The following ATP1B3 variants were observed in gnomAD, a reference collection of about 807,000 sequenced individuals.
The protein encoded by ATP1B3 is sodium/potassium-transporting ATPase subunit beta-3.
In ATP1B3, 10 loss-of-function variants were observed where a neutral mutation model predicts 30.2. The observed-to-expected ratio is 0.33, with a 90% CI of 0.20 to 0.56. The LOEUF is 0.56. ATP1B3 is among the 20% of genes least tolerant of loss of function. The pLI is 0.90. For missense variants in ATP1B3, 238 were observed against 336.7 expected, an observed-to-expected ratio of 0.71 and a Z score of 2.29; for synonymous variants, 113 against 117.0, an observed-to-expected ratio of 0.97 and a Z score of 0.22.
intron 1 of ATP1B3, among the ~76,000 whole-genome samples, chr3:141,892,761 G>C (rs1480604877): frequency 1.3e-5 from 2 of 152,096 alleles, no homozygotes; most frequent in East Asian, 3.9e-4. Flanking sequence ...GCCTGGGGAA[G>C]GGTGTGTAGA....
At chr3:141,921,822 C>T (rs2107780166) in intron 5 of ATP1B3, 155 bp from the exon 6 acceptor site, 1 of 489,970 alleles carries the variant, frequency 2.0e-6, no homozygotes, top group Non-Finnish European at 3.6e-6. Flanking sequence ...GATGAGCAAG[C>T]TTCTTCTCAG....
chr3:141,887,913 G>A (rs1414534392), intron 1 of ATP1B3, among the ~76,000 whole-genome samples: 1 of 152,194 alleles, frequency 6.6e-6, no homozygotes, highest in Non-Finnish European at 1.5e-5. Flanking sequence ...TGGACAGGGA[G>A]AATGACTAGG....
Position 141,877,250 on chromosome 3 carries a change from G to C in ATP1B3, c.109+340G>C, listed in dbSNP as rs1008988463. ...GGACCCCTGCCCGAAGCCGGGCCCC[G>C]AGAGTGCAGGAGCCGAGCCCCCGGG... is the stretch of plus-strand genomic sequence containing the variant. On this transcript the variant is annotated intron_variant, in intron 1 of 6. Coordinates refer to ENST00000286371, the MANE Select transcript of ATP1B3 (RefSeq NM_001679.4). Among the ~76,000 whole-genome samples the C allele has an allele frequency of 5.0e-5, 5 of 100,712 alleles. No individual in the cohort carries two copies. In the South Asian group the frequency reaches 1.0e-3, roughly 21 times the overall value. The allele number at this position is 100,712 out of a possible 152,430, so 66.1% of individuals were successfully genotyped here.
chr3:141,912,866 T>TA (rs1411974202), intron 3 of ATP1B3, among the ~76,000 whole-genome samples: 3 of 152,194 alleles, frequency 2.0e-5, no homozygotes, highest in Non-Finnish European at 2.9e-5. Context: ...CCATCTCTGC[T>TA]AAAAACCCCC....
intron 1 of ATP1B3, among the ~76,000 whole-genome samples, chr3:141,881,745 A>C (rs1405979455): frequency 6.6e-6 from 1 of 152,254 alleles, no homozygotes; most frequent in Non-Finnish European, 1.5e-5. Flanking sequence ...ACACAGGCAT[A>C]AATGGAAGCT....
At chr3:141,921,587 A>G (rs572226735) in intron 5 of ATP1B3, 1 of 155,826 alleles carries the variant, frequency 6.4e-6, no homozygotes, top group South Asian at 2.0e-4. Flanking sequence ...GAAGCACAGC[A>G]TTTTATTCAT....
intron 5 of ATP1B3, 143 bp downstream of exon 5, chr3:141,916,163 C>T (rs1441724114): frequency 7.6e-6 from 5 of 659,190 alleles, no homozygotes; most frequent in African/African-American, 3.6e-5. Flanking sequence ...TTCCACCAAC[C>T]GTAGTCTTTC....
intron 1 of ATP1B3, among the ~76,000 whole-genome samples, chr3:141,898,539 A>T (rs1456180261): frequency 2.0e-5 from 3 of 152,224 alleles, no homozygotes; most frequent in Non-Finnish European, 4.4e-5. Context: ...ATGCAAATTA[A>T]ACCCACAAAG....
chr3:141,920,014 A>T (rs1241564435), intron 5 of ATP1B3, among the ~76,000 whole-genome samples: 1 of 152,196 alleles, frequency 6.6e-6, no homozygotes. Flanking sequence ...CCTCATTATT[A>T]TTCAGATACT....
chr3:141,877,880 T>C (rs1933637293), intron 1 of ATP1B3, among the ~76,000 whole-genome samples: 2 of 152,144 alleles, frequency 1.3e-5, no homozygotes, highest in African/African-American at 4.8e-5. Flanking sequence ...TTTACCTTTT[T>C]AAATCCTTTT....
intron 4 of ATP1B3, among the ~76,000 whole-genome samples, chr3:141,915,541 G>A (rs528830480): frequency 5.3e-5 from 8 of 152,262 alleles, no homozygotes; most frequent in Admixed American, 5.2e-4. Flanking sequence ...GGCTCAGTGG[G>A]GCCCTCATGG....
intron 1 of ATP1B3, among the ~76,000 whole-genome samples, chr3:141,903,361 G>A (rs1327641573): frequency 6.6e-6 from 1 of 152,092 alleles, no homozygotes; most frequent in Non-Finnish European, 1.5e-5. Context: ...TTGAACCAGA[G>A]TATGAATGGT....
intron 1 of ATP1B3, among the ~76,000 whole-genome samples, chr3:141,880,545 G>A (rs1933702205): frequency 6.6e-6 from 1 of 151,966 alleles, no homozygotes; most frequent in South Asian, 2.1e-4. Flanking sequence ...AATTAATGAA[G>A]CTTAGAGATC....
intron 1 of ATP1B3, among the ~76,000 whole-genome samples, chr3:141,895,523 A>G (rs1934049113): frequency 6.6e-6 from 1 of 152,096 alleles, no homozygotes; most frequent in East Asian, 1.9e-4. Flanking sequence ...TTTGAGATCC[A>G]TCTGTGTTTC....
chr3:141,916,234 C>T (rs1345944661), intron 5 of ATP1B3: 4 of 532,290 alleles, frequency 7.5e-6, no homozygotes, highest in Non-Finnish European at 1.4e-5. Context: ...GCACACATTG[C>T]CTTTATTTTC....
intron 1 of ATP1B3, chr3:141,877,707 G>A (rs191420238): frequency 1.3e-5 from 2 of 150,368 alleles, no homozygotes; most frequent in Admixed American, 1.3e-4. Context: ...ATGGTTGTAT[G>A]TTAGCAGATT....
rs1488677131 is a variant in ATP1B3, at chr3:141,876,684, C to A, written c.-118C>A. 4 of 675,168 alleles carry A rather than the reference C, an allele frequency of 5.9e-6. No individual in the cohort carries two copies. The highest frequency in any genetic ancestry group is 9.8e-6 in the Non-Finnish European group (4 of 406,968). 41.8% of individuals were successfully genotyped at this position (675,168 alleles called of 1,614,324 possible). A position where few individuals can be genotyped will look rare whatever the true frequency, so the allele number is the denominator to read the frequency against. On this transcript the variant is annotated 5_prime_UTR_variant, in exon 1 of 7. Transcript: ENST00000286371. Reference sequence around the variant, plus strand: ...CCCCGTAACGAGGAGGTGTTCTCGGCCGTCCCACCCTTCACTGCCGTCTCC... The same window carrying A: ...CCCCGTAACGAGGAGGTGTTCTCGGACGTCCCACCCTTCACTGCCGTCTCC...
chr3:141,921,794 G>C, intron 5 of ATP1B3, 183 bp from the exon 6 acceptor site: 1 of 449,066 alleles, frequency 2.2e-6, no homozygotes, highest in Non-Finnish European at 4.0e-6. Flanking sequence ...GGGTTAGTTA[G>C]ATAATATTTG....
intron 1 of ATP1B3, among the ~76,000 whole-genome samples, chr3:141,897,352 A>G (rs1362200459): frequency 1.3e-5 from 2 of 152,008 alleles, no homozygotes; most frequent in Non-Finnish European, 1.5e-5. Context: ...CATTGTTTAC[A>G]TATTTGTCAT....
Sources: allele counts gnomAD v4.1 joint callset (sites outside exome capture counted in the v4.1 genomes callset), GRCh38; gene constraint gnomAD v4.1.1; transcripts MANE v1.5; gene names NCBI Gene and HGNC (gene_info 2026-07-23, HGNC 2026-07-21).